Variants in OR1F1 observed in about 807,000 individuals in gnomAD.
The protein encoded by OR1F1 is olfactory receptor 1F1.
For synonymous variants in OR1F1, 184 were observed against 156.7 expected, an observed-to-expected ratio of 1.17 and a Z score of -1.30; for missense variants, 493 against 376.3, an observed-to-expected ratio of 1.31 and a Z score of -2.57.
upstream of OR1F1, among the ~76,000 whole-genome samples, chr16:3,203,958 G>A (rs138215694): frequency 4.4e-3 from 662 of 152,120 alleles, 7 homozygotes; most frequent in Non-Finnish European, 6.4e-3. Flanking sequence ...TGAACTGTGG[G>A]GAACACAAAC....
chr16:3,201,312 T>C (rs1958132716), upstream of OR1F1, among the ~76,000 whole-genome samples: 1 of 152,242 alleles, frequency 6.6e-6, no homozygotes, highest in South Asian at 2.1e-4. Context: ...AGTCCCTGTT[T>C]TCAATTCTTT....
At chr16:3,189,104 G>A in the OR1F1 span, among the ~76,000 whole-genome samples, 1 of 152,198 alleles carries the variant, frequency 6.6e-6, no homozygotes, top group Non-Finnish European at 1.5e-5. Context: ...TCTGGGTTTT[G>A]GCTTCCCTGG....
At chr16:3,205,060 A>G (rs760599316) in exon 1 of OR1F1, 17 of 1,613,958 alleles carry the variant, frequency 1.1e-5, no homozygotes, top group Admixed American at 3.3e-5. Flanking sequence ...TGAGAAAGAC[A>G]CTATGGCTAC....
chr16:3,196,672 G>A, the OR1F1 span, among the ~76,000 whole-genome samples: 2 of 150,654 alleles, frequency 1.3e-5, no homozygotes, highest in African/African-American at 2.5e-5. Context: ...ACAGATGTAA[G>A]CCACCACGAC....
chr16:3,201,738 C>G (rs1440004451), upstream of OR1F1, among the ~76,000 whole-genome samples: 2 of 152,076 alleles, frequency 1.3e-5, no homozygotes, highest in African/African-American at 2.4e-5. Flanking sequence ...GACACTGGAC[C>G]AAATTGAGGA....
At chr16:3,203,946 C>A (rs1958167199), upstream of OR1F1, among the ~76,000 whole-genome samples, 1 of 152,106 alleles carries the variant, frequency 6.6e-6, no homozygotes, top group South Asian at 2.1e-4. Context: ...TGTCTGACAT[C>A]CTGAACTGTG....
the OR1F1 span, among the ~76,000 whole-genome samples, chr16:3,192,607 C>A: frequency 6.6e-6 from 1 of 152,188 alleles, no homozygotes; most frequent in Non-Finnish European, 1.5e-5. Flanking sequence ...ACAGCGGATT[C>A]CAGGGGTTGT....
At chr16:3,197,763 GAA>G in the OR1F1 span, among the ~76,000 whole-genome samples, 1 of 63,560 alleles carries the variant, frequency 1.6e-5, no homozygotes, top group Non-Finnish European at 3.2e-5. Flanking sequence ...GGGAGAAGGA[GAA>G]AGAGAGGGAG....
the OR1F1 span, among the ~76,000 whole-genome samples, chr16:3,191,763 AG>A: frequency 1.5e-5 from 2 of 137,350 alleles, no homozygotes; most frequent in African/African-American, 5.5e-5. Context: ...GTTGCCAGCC[AG>A]GGGCAGAGGG....
chr16:3,206,133 G>T (rs1799175848), downstream of OR1F1, among the ~76,000 whole-genome samples: 1 of 152,136 alleles, frequency 6.6e-6, no homozygotes, highest in South Asian at 2.1e-4. Context: ...GGCTGCTCTG[G>T]GAGAGTCTGT....
At chr16:3,198,134 G>GGA in the OR1F1 span, among the ~76,000 whole-genome samples, 9 of 112,082 alleles carry the variant, frequency 8.0e-5, no homozygotes, top group East Asian at 7.7e-4. Context: ...AGAGGGAGAA[G>GGA]GAGGGAGAGA....
chr16:3,195,901 G>A, the OR1F1 span, among the ~76,000 whole-genome samples: 2 of 152,204 alleles, frequency 1.3e-5, no homozygotes, highest in Non-Finnish European at 2.9e-5. Flanking sequence ...AGGGTGGGAT[G>A]TACCCTCCCA....
downstream of OR1F1, among the ~76,000 whole-genome samples, chr16:3,206,279 G>A (rs1395210435): frequency 6.6e-6 from 1 of 152,180 alleles, no homozygotes; most frequent in Non-Finnish European, 1.5e-5. Context: ...CCTGTTTTCT[G>A]TTGTTTAAGA....
chr16:3,196,206 T>A, the OR1F1 span, among the ~76,000 whole-genome samples: 1 of 152,176 alleles, frequency 6.6e-6, no homozygotes, highest in East Asian at 1.9e-4. Flanking sequence ...GGGTCGTGGG[T>A]TTGAGCCCTG....
At chr16:3,204,193 A>C, upstream of OR1F1, 1 of 1,396,034 alleles carries the variant, frequency 7.2e-7, no homozygotes, top group Admixed American at 2.3e-5. Context: ...AGCATTTTCC[A>C]AGCTTTTGCA....
At chr16:3,192,041 T>G in the OR1F1 span, among the ~76,000 whole-genome samples, 1 of 151,898 alleles carries the variant, frequency 6.6e-6, no homozygotes, top group East Asian at 1.9e-4. Flanking sequence ...AGGTCCCGGG[T>G]TCAAATCCCG....
At chr16:3,199,051 G>A in the OR1F1 span, among the ~76,000 whole-genome samples, 3 of 144,974 alleles carry the variant, frequency 2.1e-5, no homozygotes, top group South Asian at 6.5e-4. Context: ...GGCCAGGGCA[G>A]GAGGATCACT....
upstream of OR1F1, among the ~76,000 whole-genome samples, chr16:3,202,465 T>A (rs1452724676): frequency 6.6e-6 from 1 of 152,128 alleles, no homozygotes; most frequent in African/African-American, 2.4e-5. Context: ...CGCTTGCAAA[T>A]AATGTCTTTG....
At chr16:3,199,672 C>G (rs922624033), upstream of OR1F1, among the ~76,000 whole-genome samples, 15 of 152,014 alleles carry the variant, frequency 9.9e-5, no homozygotes, top group African/African-American at 3.6e-4. Context: ...AGACACACAG[C>G]AAAACAAATG....
Sources: allele counts gnomAD v4.1 joint callset (sites outside exome capture counted in the v4.1 genomes callset), GRCh38; gene constraint gnomAD v4.1.1; transcripts MANE v1.5; gene names NCBI Gene and HGNC (gene_info 2026-07-23, HGNC 2026-07-21).